E2F3: variants seen among roughly 807,000 people sequenced by gnomAD.
E2F3 encodes transcription factor E2F3.
In E2F3, 11 loss-of-function variants were observed where a neutral mutation model predicts 44.4. The ratio of observed to expected loss-of-function variants is 0.25; its 90% CI spans 0.16 to 0.41. E2F3 has a LOEUF of 0.41. E2F3 is among the 10% of genes least tolerant of loss of function. The pLI, the probability that E2F3 is intolerant of heterozygous loss-of-function variation, is 1.00. For missense variants in E2F3, 487 were observed against 583.6 expected (o/e 0.83, Z 1.70); for synonymous variants, 249 against 253.0 (o/e 0.98, Z 0.15).
chr6:20,472,074 A>G (rs1033804865), intron 1 of E2F3, among the ~76,000 whole-genome samples: 1 of 148,438 alleles, frequency 6.7e-6, no homozygotes, highest in African/African-American at 2.5e-5. Context: ...ACACACTCAC[A>G]TCTATCCCTT....
chr6:20,435,372 A>G (rs538033812), intron 1 of E2F3, among the ~76,000 whole-genome samples: 20 of 152,378 alleles, frequency 1.3e-4, no homozygotes, highest in African/African-American at 4.6e-4. Flanking sequence ...TAGTGAGACC[A>G]GAACACTTTA....
At chr6:20,473,103 A>T (rs780332903) in intron 1 of E2F3, among the ~76,000 whole-genome samples, 1 of 152,224 alleles carries the variant, frequency 6.6e-6, no homozygotes, top group Non-Finnish European at 1.5e-5. Context: ...GAGGAAGGGA[A>T]CTGGGATCAG....
chr6:20,475,892 C>G (rs975115254), intron 1 of E2F3, among the ~76,000 whole-genome samples: 1 of 152,170 alleles, frequency 6.6e-6, no homozygotes, highest in African/African-American at 2.4e-5. Flanking sequence ...TTCTTTGAGG[C>G]GGGCCAGCCT....
At chr6:20,487,832 C>T (rs886736038) in intron 5 of E2F3, among the ~76,000 whole-genome samples, 1 of 152,108 alleles carries the variant, frequency 6.6e-6, no homozygotes, top group East Asian at 1.9e-4. Context: ...CATTGTGATA[C>T]GAAAACAGCC....
Position 20,424,397 on chromosome 6 carries a change from G to C in E2F3, c.393+21772G>C, listed in dbSNP as rs533311601. Among the ~76,000 whole-genome samples, 78 of 152,064 alleles carry C rather than the reference G, an allele frequency of 5.1e-4. 1 individual carries two copies. Among genetic ancestry groups the C allele is most frequent in the African/African-American group, 1.8e-3 (73 of 41,472 alleles). On this transcript the variant is annotated intron_variant, in intron 1 of 6. Transcript: ENST00000346618. The stretch of plus-strand genomic sequence containing the variant: ...AGAGTGTGTGTATGTGTGTGTGTGT[G>C]TGTGTGTGTGTGTACATGCATACAT...
At chr6:20,405,869 C>G (rs1013853234) in intron 1 of E2F3, among the ~76,000 whole-genome samples, 2 of 152,068 alleles carry the variant, frequency 1.3e-5, no homozygotes, top group African/African-American at 2.4e-5. Context: ...TTTATCTAGT[C>G]AATGCATACA....
In E2F3 at chr6:20,481,142, A is replaced by G. The variant is rs971582511; in HGVS notation, c.506-64A>G. ...AAAGAGAGCTTGCTTGACTGCAAAG[A>G]CACCCTTCATTTCTTTACCTTTCCC... On this transcript the variant is annotated intron_variant, in intron 2 of 6. Coordinates refer to ENST00000346618, the MANE Select transcript of E2F3 (RefSeq NM_001949.5). 7.5e-6 allele frequency: 11 copies of G among 1,474,214 alleles called. No homozygotes were observed. In the African/African-American group the frequency reaches 1.1e-4, roughly 15 times the overall value. 91.3% of individuals were successfully genotyped at this position (1,474,214 alleles called of 1,614,324 possible).
At position 20,439,358 on chromosome 6, in the gene E2F3, G is replaced by A. The variant is rs560038875; in HGVS notation, c.393+36733G>A. Among the ~76,000 whole-genome samples, 3 of 152,190 alleles carry A rather than the reference G, an allele frequency of 2.0e-5. No individual in the cohort carries two copies. In the South Asian group the frequency reaches 6.2e-4, roughly 31 times the overall value. On this transcript the variant is annotated intron_variant, in intron 1 of 6. Transcript: ENST00000346618. ...ACGCTTTAGCATGGGCTGCTGAAGC[G>A]AGCTGCTCTTTAGGGAGGAGGAGGA...
At chr6:20,417,174 A>C (rs1419763061) in intron 1 of E2F3, among the ~76,000 whole-genome samples, 3 of 152,242 alleles carry the variant, frequency 2.0e-5, no homozygotes, top group Non-Finnish European at 4.4e-5. Flanking sequence ...CTGAAAATGA[A>C]ATGGTAGCTC....
intron 6 of E2F3, among the ~76,000 whole-genome samples, chr6:20,488,505 G>C (rs1762463015): frequency 1.3e-5 from 2 of 151,868 alleles, no homozygotes; most frequent in Admixed American, 1.3e-4. Flanking sequence ...TTGAAAACCA[G>C]CTAAAGTGAG....
intron 1 of E2F3, chr6:20,403,857 G>C: frequency 7.4e-7 from 1 of 1,352,948 alleles, no homozygotes; most frequent in Non-Finnish European, 9.9e-7. Flanking sequence ...CGGCTCGGGG[G>C]CCGCCGACGC....
intron 1 of E2F3, among the ~76,000 whole-genome samples, chr6:20,468,461 C>T (rs1466836673): frequency 6.6e-6 from 1 of 152,190 alleles, no homozygotes; most frequent in African/African-American, 2.4e-5. Flanking sequence ...AGAAGGAGCA[C>T]GCAGCTTCCA....
chr6:20,460,522 G>C (rs1254561005), intron 1 of E2F3, among the ~76,000 whole-genome samples: 3 of 152,072 alleles, frequency 2.0e-5, no homozygotes, highest in Non-Finnish European at 4.4e-5. Context: ...GGGTATATAA[G>C]ATAAAATGGT....
chr6:20,441,263 C>A (rs1401397271), intron 1 of E2F3, among the ~76,000 whole-genome samples: 1 of 152,156 alleles, frequency 6.6e-6, no homozygotes. Context: ...AAATATTTAC[C>A]CTTCTGTATC....
At chr6:20,412,609 A>T in intron 1 of E2F3, among the ~76,000 whole-genome samples, 1 of 144,960 alleles carries the variant, frequency 6.9e-6, no homozygotes, top group South Asian at 2.4e-4. Flanking sequence ...CTGGGCGGGG[A>T]GTAGATTGGG....
chr6:20,402,630 T>C lies in E2F3; in HGVS notation c.393+5T>C, dbSNP rs1019776071. 1.5e-5 allele frequency: 20 copies of C among 1,329,546 alleles called. No individual in the cohort carries two copies. In the African/African-American group the frequency reaches 1.9e-4, roughly 12 times the overall value. The allele number at this position is 1,329,546 out of a possible 1,614,324, so 82.4% of individuals were successfully genotyped here. A position where few individuals can be genotyped will look rare whatever the true frequency, so the allele number is the denominator to read the frequency against. On this transcript the variant is annotated splice_donor_5th_base_variant and intron_variant, in intron 1 of 6. Coordinates refer to ENST00000346618, the MANE Select transcript of E2F3 (RefSeq NM_001949.5). The surrounding 1 kb of genome is among the most constrained non-coding windows in gnomAD (Gnocchi z 5.6). ...GGCGGCGGCGGCGGCCCTCCGGTAA[T>C]ACCCTCCCTCCCCACCGTCCCCAGC...
intron 1 of E2F3, among the ~76,000 whole-genome samples, chr6:20,427,075 A>C (rs1448866528): frequency 6.6e-6 from 1 of 152,180 alleles, no homozygotes; most frequent in Non-Finnish European, 1.5e-5. Context: ...TGAGAATGAA[A>C]AGTTCTGCAT....
chr6:20,467,851 C>G (rs1761763554), intron 1 of E2F3, among the ~76,000 whole-genome samples: 1 of 150,304 alleles, frequency 6.7e-6, no homozygotes, highest in Non-Finnish European at 1.5e-5. Flanking sequence ...TAACTTTTAC[C>G]TTTAGTGACT....
At chr6:20,420,341 C>G (rs190556580) in intron 1 of E2F3, among the ~76,000 whole-genome samples, 34 of 152,226 alleles carry the variant, frequency 2.2e-4, no homozygotes, top group African/African-American at 8.2e-4. Context: ...TGAGTAGCCT[C>G]TTTGAATTCT....
Sources: gnomAD v4.1 joint callset for allele counts (sites outside exome capture counted in the v4.1 genomes callset) on GRCh38, gnomAD v4.1.1 for gene constraint, Gnocchi (gnomAD v3.1) non-coding constraint, MANE v1.5 for transcripts, NCBI Gene and HGNC (gene_info 2026-07-23, HGNC 2026-07-21) for gene names.